The following COL23A1 variants were observed in gnomAD, a reference collection of about 807,000 sequenced individuals.
The protein encoded by COL23A1 is collagen alpha-1(XXIII) chain.
In COL23A1, 97 loss-of-function variants were observed where a neutral mutation model predicts 99.3. The observed-to-expected ratio is 0.98, with a 90% CI of 0.83 to 1.16. COL23A1 has a LOEUF of 1.16. Among genes scored for constraint, COL23A1 ranks in the 50% most tolerant of loss-of-function variants. COL23A1 has a pLI of 0.00. For synonymous variants in COL23A1, 320 were observed against 308.2 expected (o/e 1.04, Z -0.40); for missense variants, 762 against 757.4 (o/e 1.01, Z -0.07).
intron 2 of COL23A1, among the ~76,000 whole-genome samples, chr5:178,449,911 T>C (rs1460295212): frequency 1.3e-5 from 2 of 152,160 alleles, no homozygotes; most frequent in South Asian, 2.1e-4. Flanking sequence ...AGTAGCCATC[T>C]GCTGACCGTA....
At chr5:178,304,505 C>CAAAAAA (rs35806686) in intron 3 of COL23A1, among the ~76,000 whole-genome samples, 1 of 32,220 alleles carries the variant, frequency 3.1e-5, no homozygotes, top group Non-Finnish European at 7.1e-5. Context: ...GCGACTGTCT[C>CAAAAAA]AAAAAAAAAA....
intron 2 of COL23A1, among the ~76,000 whole-genome samples, chr5:178,352,536 A>G (rs1761388813): frequency 1.3e-5 from 2 of 152,214 alleles, no homozygotes; most frequent in Admixed American, 1.3e-4. Context: ...ATTACAATAG[A>G]TAAAATATAG....
intron 5 of COL23A1, among the ~76,000 whole-genome samples, chr5:178,271,753 G>A (rs530129445): frequency 1.6e-4 from 24 of 152,358 alleles, no homozygotes; most frequent in Non-Finnish European, 5.9e-5. Context: ...GCTCCTAGCC[G>A]GCAGGGCGCA....
At chr5:178,479,399 T>C (rs1757207943) in intron 2 of COL23A1, among the ~76,000 whole-genome samples, 1 of 152,156 alleles carries the variant, frequency 6.6e-6, no homozygotes, top group Non-Finnish European at 1.5e-5. Context: ...TCCTGCCTCC[T>C]CTACTGGGCA....
Position 178,280,248 on chromosome 5 carries a change from T to C in COL23A1, c.441+8076A>G, listed in dbSNP as rs1361570884. 6.6e-6 allele frequency among the ~76,000 whole-genome samples: 1 copy of C among 152,212 alleles called. No homozygotes were observed. The highest frequency in any genetic ancestry group is 2.4e-5 in the African/African-American group (1 of 41,456). On this transcript the variant is annotated intron_variant, in intron 5 of 28. Transcript: ENST00000390654. The surrounding 1 kb of genome is among the most constrained non-coding windows in gnomAD (Gnocchi z 4.9). ...GGCGATCAGCCAGGACGCTGGCCATTGAGGATGCAGGCCCAAAAGGGGCGC... is the reference window on the plus strand; with the variant it reads ...GGCGATCAGCCAGGACGCTGGCCATCGAGGATGCAGGCCCAAAAGGGGCGC...
rs551964406 is a variant in COL23A1, at chr5:178,340,224, G to A, written c.362-33305C>T. ...TCCTAGGCAGGGAGCCTGCTGCAGG[G>A]ATGGGCCTGGCTGAGAACAAGGACA... On this transcript the variant is annotated intron_variant, in intron 2 of 28. Transcript: ENST00000390654. This position sits in a 1 kb window ranked among gnomAD's most constrained non-coding sequence, Gnocchi z 4.7. Among the ~76,000 whole-genome samples, 55 of 152,288 alleles carry A rather than the reference G, an allele frequency of 3.6e-4. No individual in the cohort carries two copies. The highest frequency in any genetic ancestry group is 5.4e-4 in the Non-Finnish European group (37 of 68,028).
Position 178,254,973 on chromosome 5 carries a change from A to G in COL23A1, c.936T>C (p.Asp312=). 6.2e-7 allele frequency: 1 copy of G among 1,613,720 alleles called. No homozygotes were observed. The highest frequency in any genetic ancestry group is 8.5e-7 in the Non-Finnish European group (1 of 1,179,762). Residue 312 remains aspartate (D), a synonymous_variant, in exon 16 of 29, where the codon GAT becomes GAC. Transcript: ENST00000390654. ...EQGDTVVIDY[D]GRILDALKGP... is the part of the protein sequence containing the mutation. ...CCTTGAGGGCATCCAAGATCCTGCCATCATAGTCGATCACCACTGTGTCTC... is the reference window on the plus strand; with the variant it reads ...CCTTGAGGGCATCCAAGATCCTGCCGTCATAGTCGATCACCACTGTGTCTC...
At chr5:178,277,376 A>T (rs1756649026) in intron 5 of COL23A1, among the ~76,000 whole-genome samples, 2 of 152,268 alleles carry the variant, frequency 1.3e-5, no homozygotes, top group African/African-American at 4.8e-5. Flanking sequence ...AAACAAACAA[A>T]AAAACAAAGA....
intron 2 of COL23A1, among the ~76,000 whole-genome samples, chr5:178,558,519 C>T (rs1762396502): frequency 6.6e-6 from 1 of 152,120 alleles, no homozygotes; most frequent in Non-Finnish European, 1.5e-5. Context: ...ATAGCCAAAA[C>T]CAAAATTTCA....
chr5:178,244,978 C>T, intron 25 of COL23A1, among the ~76,000 whole-genome samples: 1 of 148,214 alleles, frequency 6.7e-6, no homozygotes, highest in East Asian at 2.2e-4. Context: ...TCCATCCACT[C>T]ATCATCTATC....
rs1758374477 is a variant in COL23A1 at position 178,306,682 on chromosome 5, A to ATACGTCTTGCTCACCCACTGTATGCC, written c.406+192_406+193insGGCATACAGTGGGTGAGCAAGACGTA. On this transcript the variant is annotated intron_variant, in intron 3 of 28. Coordinates refer to ENST00000390654, the MANE Select transcript of COL23A1 (RefSeq NM_173465.4). This position sits in a 1 kb window ranked among gnomAD's most constrained non-coding sequence, Gnocchi z 4.1. ...CAGTCCTGGAATTGTGAATGCCAAG[A>ATACGTCTTGCTCACCCACTGTATGCC]AGCCCCGGAAAGGCAGTACTGGGTG... 6.6e-6 allele frequency among the ~76,000 whole-genome samples: 1 copy of ATACGTCTTGCTCACCCACTGTATGCC among 151,942 alleles called. No homozygotes were observed. Among genetic ancestry groups the ATACGTCTTGCTCACCCACTGTATGCC allele is most frequent in the African/African-American group, 2.4e-5 (1 of 41,354 alleles).
At chr5:178,403,476 C>T (rs989858254) in intron 2 of COL23A1, among the ~76,000 whole-genome samples, 1 of 152,208 alleles carries the variant, frequency 6.6e-6, no homozygotes. Flanking sequence ...TGGGATTGTT[C>T]TTCCTATTTC....
At chr5:178,328,551 C>T (rs1339132479) in intron 2 of COL23A1, among the ~76,000 whole-genome samples, 1 of 152,172 alleles carries the variant, frequency 6.6e-6, no homozygotes, top group Admixed American at 6.5e-5. Context: ...CTATTCATGG[C>T]TTTCTTAGGG....
rs540651989 is a variant in COL23A1 at position 178,433,493 on chromosome 5, G to A, written c.362-126574C>T. 1.7e-3 allele frequency among the ~76,000 whole-genome samples: 254 copies of A among 152,184 alleles called. No individual in the cohort carries two copies. The Middle Eastern group carries it at 0.017, about 10-fold the overall frequency. On this transcript the variant is annotated intron_variant, in intron 2 of 28. Transcript: ENST00000390654. ...AGGGTTTTTATGGAGGCTTTACTACGGGCACAGTTGATCAGATCATTGGCA... is the reference window on the plus strand; with the variant it reads ...AGGGTTTTTATGGAGGCTTTACTACAGGCACAGTTGATCAGATCATTGGCA...
At chr5:178,474,784 A>C (rs1756941716) in intron 2 of COL23A1, among the ~76,000 whole-genome samples, 1 of 152,254 alleles carries the variant, frequency 6.6e-6, no homozygotes, top group African/African-American at 2.4e-5. Context: ...AACACAGATT[A>C]TAAACCATAA....
chr5:178,358,505 A>ATG (rs922659839), intron 2 of COL23A1, among the ~76,000 whole-genome samples: 1 of 104,142 alleles, frequency 9.6e-6, no homozygotes, highest in Non-Finnish European at 2.1e-5. Context: ...ATGCGTGTAT[A>ATG]TGTGTGTATG....
At chr5:178,376,714 CTTCT>C (rs756129240) in intron 2 of COL23A1, among the ~76,000 whole-genome samples, 19 of 152,238 alleles carry the variant, frequency 1.2e-4, no homozygotes, top group Non-Finnish European at 2.5e-4. Context: ...GAACCAGATG[CTTCT>C]TTGTGTAAGG....
At chr5:178,312,632 TATCA>T (rs1758764219) in intron 2 of COL23A1, among the ~76,000 whole-genome samples, 1 of 150,170 alleles carries the variant, frequency 6.7e-6, no homozygotes, top group Non-Finnish European at 1.5e-5. Flanking sequence ...ATGCCCGTCT[TATCA>T]AGGTCCCTTC....
At chr5:178,303,189 G>A (rs1332569526) in intron 3 of COL23A1, among the ~76,000 whole-genome samples, 1 of 152,090 alleles carries the variant, frequency 6.6e-6, no homozygotes, top group East Asian at 1.9e-4. Flanking sequence ...TAGTAGAGAT[G>A]GGGTTTCACC....
Sources: allele counts gnomAD v4.1 joint callset (sites outside exome capture counted in the v4.1 genomes callset), GRCh38; gene constraint gnomAD v4.1.1; non-coding constraint Gnocchi (gnomAD v3.1); transcripts MANE v1.5; gene names NCBI Gene and HGNC (gene_info 2026-07-23, HGNC 2026-07-21).